Variants in SORCS3 observed in about 807,000 individuals in gnomAD.
SORCS3 encodes the protein sortilin related VPS10 domain containing receptor 3.
In SORCS3, 57 loss-of-function variants were observed where a neutral mutation model predicts 146.3. The ratio of observed to expected loss-of-function variants is 0.39; its 90% confidence interval spans 0.31 to 0.49. SORCS3 has a LOEUF of 0.49. SORCS3 is among the 20% of genes least tolerant of loss of function. The probability of loss-of-function intolerance (pLI) is 0.92; values close to 1 mark genes in which losing one functional copy is unlikely to be tolerated. For missense variants in SORCS3, 1,341 were observed against 1,575.5 expected (o/e 0.85, Z 2.52); for synonymous variants, 653 against 618.5 (o/e 1.06, Z -0.83).
chr10:104,972,636 AAG>A (rs879781865), intron 3 of SORCS3, among the ~76,000 whole-genome samples: 16 of 149,908 alleles, frequency 1.1e-4, no homozygotes, highest in Non-Finnish European at 1.0e-4. Context: ...GAGAGAGAGA[AAG>A]AGAGAGAGAG....
intron 1 of SORCS3, among the ~76,000 whole-genome samples, chr10:104,700,637 A>G (rs571937298): frequency 4.5e-4 from 65 of 142,860 alleles, no homozygotes; most frequent in African/African-American, 1.4e-3. Context: ...TTCCGAAGGA[A>G]GGGACATGGG....
At chr10:105,056,179 G>T (rs1589611915) in intron 5 of SORCS3, among the ~76,000 whole-genome samples, 1 of 152,192 alleles carries the variant, frequency 6.6e-6, no homozygotes, top group Admixed American at 6.5e-5. Flanking sequence ...TCAAAGCTGA[G>T]GTCATATGTC....
intron 4 of SORCS3, among the ~76,000 whole-genome samples, chr10:105,017,688 G>A (rs1365523310): frequency 1.3e-5 from 2 of 152,154 alleles, no homozygotes; most frequent in African/African-American, 4.8e-5. Flanking sequence ...AGTTTCATTT[G>A]TTTCACAAGG....
At chr10:105,025,895 T>TA (rs2055225910) in intron 4 of SORCS3, among the ~76,000 whole-genome samples, 2 of 140,026 alleles carry the variant, frequency 1.4e-5, no homozygotes, top group African/African-American at 5.5e-5. Context: ...AAGAACAAGT[T>TA]AATGCATGCA....
chr10:104,722,239 T>G lies in SORCS3; in HGVS notation c.627+80285T>G, dbSNP rs1016271493. On this transcript the variant is annotated intron_variant, in intron 1 of 26. Transcript: ENST00000369701. ...TTTCTGCATCTATTGAGATAATCAT[T>G]TGGTTTTTGTCCTTGGTTCTGTTTA... Among the ~76,000 whole-genome samples, 6 of 152,144 alleles carry G rather than the reference T, an allele frequency of 3.9e-5. No individual in the cohort carries two copies. The East Asian group carries it at 5.8e-4, about 15-fold the overall frequency.
At chr10:104,734,510 C>A (rs528935353) in intron 1 of SORCS3, among the ~76,000 whole-genome samples, 1 of 152,342 alleles carries the variant, frequency 6.6e-6, no homozygotes, top group East Asian at 1.9e-4. Context: ...TCCCTGAGAA[C>A]TAATTACCAA....
intron 1 of SORCS3, among the ~76,000 whole-genome samples, chr10:104,795,648 A>T (rs1478805819): frequency 6.6e-6 from 1 of 152,198 alleles, no homozygotes; most frequent in Non-Finnish European, 1.5e-5. Flanking sequence ...GTATTTCAGC[A>T]CCCTGTCAGA....
chr10:105,188,749 G>T lies in SORCS3; in HGVS notation c.2009+10576G>T, dbSNP rs150776748. On this transcript the variant is annotated intron_variant, in intron 14 of 26. Transcript: ENST00000369701. ...AGCAGGGTTGCCTGTGACCTTTTGTGAAATGACTTCATCATAAATCTGCAG... is the reference window on the plus strand; with the variant it reads ...AGCAGGGTTGCCTGTGACCTTTTGTTAAATGACTTCATCATAAATCTGCAG... 6.6e-5 allele frequency among the ~76,000 whole-genome samples: 10 copies of T among 152,308 alleles called. No individual in the cohort carries two copies. The East Asian group carries it at 1.9e-3, about 29-fold the overall frequency.
intron 15 of SORCS3, 106 bp from the exon 16 acceptor site, chr10:105,201,014 A>C (rs758999073): frequency 3.1e-5 from 38 of 1,230,414 alleles, no homozygotes; most frequent in Non-Finnish European, 4.2e-5. Context: ...CTGCTACATA[A>C]AGTACCTAAA....
intron 1 of SORCS3, among the ~76,000 whole-genome samples, chr10:104,724,447 A>G (rs969928445): frequency 6.6e-6 from 1 of 151,836 alleles, no homozygotes; most frequent in Non-Finnish European, 1.5e-5. Context: ...TCTGACAATT[A>G]TGTGTCTTGG....
In SORCS3 at chr10:105,200,104, C is replaced by A; in HGVS notation, c.2115C>A (p.His705Gln). 1 of 1,612,964 alleles carries A rather than the reference C, an allele frequency of 6.2e-7. No individual in the cohort carries two copies. Among genetic ancestry groups the A allele is most frequent in the Middle Eastern group, 1.7e-4 (1 of 6,050 alleles). The change falls in exon 15 of 27, where the codon CAC becomes CAA. Residue 705 changes from histidine (H) to glutamine (Q), a missense_variant. By Grantham distance (24) the His-to-Gln change is conservative (BLOSUM62 0). Coordinates refer to ENST00000369701, the MANE Select transcript of SORCS3 (RefSeq NM_014978.3). The part of the protein sequence containing the change: ...HCTKEDYQTW[H>Q]LLNQGEPCVM... The stretch of plus-strand genomic sequence containing the variant: ...CCAAGGAGGACTATCAGACCTGGCA[C>A]CTGCTCAATCAGGTACACACCCCAG...
chr10:104,794,350 G>A (rs1481042056), intron 1 of SORCS3, among the ~76,000 whole-genome samples: 6 of 152,066 alleles, frequency 3.9e-5, no homozygotes, highest in Non-Finnish European at 8.8e-5. Context: ...TTGATGGCTG[G>A]GGCTTTTTCT....
At chr10:105,199,872 C>T in intron 14 of SORCS3, 127 bp from the exon 15 acceptor site, 1 of 691,852 alleles carries the variant, frequency 1.4e-6, no homozygotes, top group Non-Finnish European at 2.6e-6. Flanking sequence ...TCAAGGAACT[C>T]ACTTTGGAAG....
At chr10:105,214,715 C>T in intron 18 of SORCS3, 102 bp downstream of exon 18, 1 of 1,145,336 alleles carries the variant, frequency 8.7e-7, no homozygotes, top group South Asian at 1.7e-5. Flanking sequence ...GCACCAAAGT[C>T]AATGGTGAGA....
At chr10:104,952,255 GAAAAAAAA>G (rs55880149) in intron 3 of SORCS3, among the ~76,000 whole-genome samples, 90 of 40,622 alleles carry the variant, frequency 2.2e-3, no homozygotes, top group African/African-American at 6.8e-3. Flanking sequence ...ATGAATGTTT[GAAAAAAAA>G]AAAAAAAAAA....
At chr10:104,823,842 G>A (rs1045558665) in intron 1 of SORCS3, among the ~76,000 whole-genome samples, 3 of 152,182 alleles carry the variant, frequency 2.0e-5, no homozygotes, top group Admixed American at 1.3e-4. Context: ...TTAAGATAAA[G>A]CGATTGTCTT....
chr10:105,025,295 G>A (rs1389680766), intron 4 of SORCS3, among the ~76,000 whole-genome samples: 2 of 152,292 alleles, frequency 1.3e-5, no homozygotes, highest in South Asian at 4.1e-4. Flanking sequence ...GGCAAGATCA[G>A]CTGGTAGAAT....
At chr10:104,785,589 A>ATT (rs35146093) in intron 1 of SORCS3, among the ~76,000 whole-genome samples, 9 of 113,510 alleles carry the variant, frequency 7.9e-5, no homozygotes, top group African/African-American at 1.3e-4. Flanking sequence ...AAAAAAATAA[A>ATT]TTAAAAAAAA....
intron 21 of SORCS3, among the ~76,000 whole-genome samples, chr10:105,246,900 T>C (rs535173497): frequency 1.1e-4 from 16 of 152,234 alleles, no homozygotes; most frequent in Admixed American, 9.8e-4. Context: ...GTGTTGGCTC[T>C]TCCTGGTACC....
Sources: allele counts gnomAD v4.1 joint callset (sites outside exome capture counted in the v4.1 genomes callset), GRCh38; gene constraint gnomAD v4.1.1; transcripts MANE v1.5; gene names NCBI Gene and HGNC (gene_info 2026-07-23, HGNC 2026-07-21).